The following LYPLAL1 variants were observed in gnomAD, a reference collection of about 807,000 sequenced individuals.
LYPLAL1 encodes the protein lysophospholipase-like protein 1.
LYPLAL1 carries 23 observed loss-of-function variants against 19.7 expected under a neutral mutation model. The ratio of observed to expected loss-of-function variants is 1.17; its 90% CI spans 0.84 to 1.65. The LOEUF (loss-of-function observed/expected upper bound fraction) is 1.65, where lower values mean the gene tolerates loss of function less well. LYPLAL1 is among the 40% of genes most tolerant of loss of function. The probability of loss-of-function intolerance (pLI) is 0.00; values close to 1 mark genes in which losing one functional copy is unlikely to be tolerated. For missense variants in LYPLAL1, 355 were observed against 279.4 expected (o/e 1.27, Z -1.93); for synonymous variants, 119 against 96.3 (o/e 1.24, Z -1.38).
chr1:219,192,390 ATTAC>A (rs1365558905), intron 2 of LYPLAL1, among the ~76,000 whole-genome samples: 8 of 151,574 alleles, frequency 5.3e-5, no homozygotes, highest in African/African-American at 1.9e-4. Flanking sequence ...AAAGGGAAAT[ATTAC>A]TTGTCATTGG....
chr1:219,305,766 C>A, the LYPLAL1 span, among the ~76,000 whole-genome samples: 1 of 152,148 alleles, frequency 6.6e-6, no homozygotes, highest in Non-Finnish European at 1.5e-5. Flanking sequence ...AAGGCTGATT[C>A]CTCTGCTGAG....
At chr1:219,174,249 CCCA>C (rs747139748) in intron 1 of LYPLAL1, 99 of 1,367,276 alleles carry the variant, frequency 7.2e-5, no homozygotes, top group Non-Finnish European at 8.3e-5. Flanking sequence ...GCCCTCCATC[CCCA>C]CAACACACCT....
chr1:219,191,250 T>C (rs1381792853), intron 2 of LYPLAL1, among the ~76,000 whole-genome samples: 2 of 151,536 alleles, frequency 1.3e-5, no homozygotes, highest in African/African-American at 2.4e-5. Context: ...ACCTGTTTCT[T>C]GACTCTTTTC....
At chr1:219,417,879 TA>T in the LYPLAL1 span, among the ~76,000 whole-genome samples, 2 of 152,270 alleles carry the variant, frequency 1.3e-5, no homozygotes, top group Admixed American at 6.5e-5. Flanking sequence ...GGGCAGTGCT[TA>T]ATGGACCAAG....
In LYPLAL1 at chr1:219,210,625, A is replaced by G; in HGVS notation, c.455A>G (p.Asn152Ser). The change falls in exon 4 of 5, where the codon AAT becomes AGT. Residue 152 changes from asparagine to serine, a missense_variant. Physicochemically the swap from Asn to Ser is conservative, Grantham distance 46 (BLOSUM62 1). Transcript: ENST00000366928. ...AGVFALSSFLNKASAVYQALQ... is the reference protein window; with the variant it reads ...AGVFALSSFLSKASAVYQALQ... Reference sequence around the variant, plus strand: ...GTATTTGCTCTTTCTAGTTTTCTGAATAAAGCATCTGCTGTTTACCAGGTA... The same window carrying G: ...GTATTTGCTCTTTCTAGTTTTCTGAGTAAAGCATCTGCTGTTTACCAGGTA... The G allele has an allele frequency of 1.2e-6, 2 of 1,609,510 alleles. No homozygotes were observed. Among genetic ancestry groups the G allele is most frequent in the Non-Finnish European group, 8.5e-7 (1 of 1,177,466 alleles).
chr1:219,176,623 A>G (rs1655831232), intron 1 of LYPLAL1, among the ~76,000 whole-genome samples: 1 of 152,188 alleles, frequency 6.6e-6, no homozygotes, highest in African/African-American at 2.4e-5. Context: ...CTACCTGGCC[A>G]TTAATGATGG....
At chr1:219,420,653 T>C in the LYPLAL1 span, among the ~76,000 whole-genome samples, 15 of 152,166 alleles carry the variant, frequency 9.9e-5, no homozygotes, top group Admixed American at 9.2e-4. Context: ...GCTGCCATTG[T>C]ATGAGTGGAT....
At chr1:219,436,347 G>A in the LYPLAL1 span, among the ~76,000 whole-genome samples, 39 of 152,250 alleles carry the variant, frequency 2.6e-4, no homozygotes, top group East Asian at 3.3e-3. Context: ...TATGTCTTAC[G>A]ACTGTGTTGG....
At chr1:219,318,289 A>T in the LYPLAL1 span, among the ~76,000 whole-genome samples, 3 of 152,050 alleles carry the variant, frequency 2.0e-5, no homozygotes, top group Admixed American at 2.0e-4. Context: ...CAAATAACTC[A>T]AGTGTCACTC....
chr1:219,299,342 G>A, the LYPLAL1 span, among the ~76,000 whole-genome samples: 1 of 151,976 alleles, frequency 6.6e-6, no homozygotes, highest in Admixed American at 6.6e-5. Context: ...GTAGTAATAT[G>A]TACTATGTAT....
chr1:219,226,151 T>G, the LYPLAL1 span, among the ~76,000 whole-genome samples: 31 of 152,214 alleles, frequency 2.0e-4, no homozygotes, highest in Non-Finnish European at 3.1e-4. Flanking sequence ...CTAAGGGCTA[T>G]CTATCCCTTT....
At chr1:219,271,827 A>C in the LYPLAL1 span, 3 of 152,242 alleles carry the variant, frequency 2.0e-5, no homozygotes, top group Non-Finnish European at 4.4e-5. Context: ...AGAGATCAGC[A>C]ATCATTTTCC....
chr1:219,357,024 C>T, the LYPLAL1 span, among the ~76,000 whole-genome samples: 4 of 152,150 alleles, frequency 2.6e-5, no homozygotes, highest in Admixed American at 2.0e-4. Context: ...CCAACTGTGG[C>T]ACATAAAGTT....
intron 3 of LYPLAL1, 83 bp downstream of exon 3, chr1:219,193,334 A>G (rs1657352412): frequency 8.9e-7 from 1 of 1,121,850 alleles, no homozygotes; most frequent in Admixed American, 2.2e-5. Flanking sequence ...AACATTATTT[A>G]GAAGCACTTG....
chr1:219,384,252 T>C, the LYPLAL1 span, among the ~76,000 whole-genome samples: 2 of 152,228 alleles, frequency 1.3e-5, no homozygotes, highest in Non-Finnish European at 2.9e-5. Flanking sequence ...ATTATCCTAA[T>C]GGCAAAGCTT....
the LYPLAL1 span, among the ~76,000 whole-genome samples, chr1:219,225,743 C>A: frequency 3.9e-5 from 6 of 152,294 alleles, no homozygotes; most frequent in Admixed American, 1.3e-4. Flanking sequence ...CATTCAAATT[C>A]TTTAGCTCAG....
chr1:219,304,770 T>A, the LYPLAL1 span, among the ~76,000 whole-genome samples: 2 of 152,022 alleles, frequency 1.3e-5, no homozygotes, highest in Non-Finnish European at 2.9e-5. Flanking sequence ...AAAACACATA[T>A]TGAGATGCCA....
At chr1:219,330,988 T>C in the LYPLAL1 span, among the ~76,000 whole-genome samples, 3 of 152,212 alleles carry the variant, frequency 2.0e-5, no homozygotes, top group African/African-American at 7.2e-5. Flanking sequence ...CTGGCTAGTA[T>C]TCCTGCTGTT....
chr1:219,345,299 G>A, the LYPLAL1 span, among the ~76,000 whole-genome samples: 1 of 152,090 alleles, frequency 6.6e-6, no homozygotes, highest in Non-Finnish European at 1.5e-5. Context: ...AACTTCCACA[G>A]AGTAGATGTC....
Sources: allele counts gnomAD v4.1 joint callset (sites outside exome capture counted in the v4.1 genomes callset), GRCh38; gene constraint gnomAD v4.1.1; transcripts MANE v1.5; gene names NCBI Gene and HGNC (gene_info 2026-07-23, HGNC 2026-07-21).